Variants in PAIP1 observed in about 807,000 individuals in gnomAD.
PAIP1 encodes poly(A) binding protein interacting protein 1, also known as polyadenylate-binding protein-interacting protein 1.
A neutral mutation model predicts 61.3 loss-of-function variants in PAIP1; 16 were observed. The observed-to-expected ratio is 0.26, with a 90% CI of 0.18 to 0.40. PAIP1 has a LOEUF of 0.40. Among genes scored for constraint, PAIP1 ranks in the 10% least tolerant of loss-of-function variants. PAIP1 has a pLI of 1.00. For missense variants in PAIP1, 416 were observed against 600.9 expected, an observed-to-expected ratio of 0.69 and a Z score of 3.22; for synonymous variants, 187 against 226.2, an observed-to-expected ratio of 0.83 and a Z score of 1.56.
Position 43,528,543 on chromosome 5 carries a change from C to T in PAIP1, c.1347-1074G>A, listed in dbSNP as rs116021301. 7.9e-3 allele frequency among the ~76,000 whole-genome samples: 1,210 copies of T among 152,218 alleles called. 19 individuals are homozygous for T. Among genetic ancestry groups the T allele is most frequent in the African/African-American group, 0.028 (1,169 of 41,526 alleles). On this transcript the variant is annotated intron_variant, in intron 10 of 10. Coordinates refer to ENST00000306846, the MANE Select transcript of PAIP1 (RefSeq NM_006451.5). Reference sequence around the variant, plus strand: ...TGCCAAGAACAACTTTATCTTCCAGCGGTATACCCAAGTAGATGGAACTTT... The same window carrying T: ...TGCCAAGAACAACTTTATCTTCCAGTGGTATACCCAAGTAGATGGAACTTT...
chr5:43,547,828 C>G lies in PAIP1; in HGVS notation c.521G>C (p.Gly174Ala), dbSNP rs989975853. ...CTGTTCAATTTCAGTTTCAAAACTG[C>G]CAGGCTGCTCTGTAAGATGATTCAA... ...DFLNHLTEQP[G>A]SFETEIEQFA... The change falls in exon 3 of 11, where the codon GGC becomes GCC. Residue 174 changes from glycine (G) to alanine (A), a missense_variant. Coordinates refer to ENST00000306846, the MANE Select transcript of PAIP1 (RefSeq NM_006451.5). 6 of 1,610,960 alleles carry G rather than the reference C, an allele frequency of 3.7e-6. No individual in the cohort carries two copies. The highest frequency in any genetic ancestry group is 5.1e-6 in the Non-Finnish European group (6 of 1,177,466).
At chr5:43,537,050 C>T (rs1747184421) in intron 5 of PAIP1, 106 bp from the exon 6 acceptor site, 1 of 702,020 alleles carries the variant, frequency 1.4e-6, no homozygotes, top group East Asian at 3.0e-5. Context: ...AGCTAAATCA[C>T]AAAAGTCACA....
intron 10 of PAIP1, among the ~76,000 whole-genome samples, chr5:43,529,580 C>T (rs1746853139): frequency 6.6e-6 from 1 of 152,162 alleles, no homozygotes; most frequent in Non-Finnish European, 1.5e-5. Flanking sequence ...TTAGTAGAGA[C>T]AGGGTTTCGC....
In PAIP1 at chr5:43,526,590, C is replaced by A. The variant is rs1197401025; in HGVS notation, c.*786G>T. ...ATAAAGCAGATGAAAACTTGAATGACAAATATCTAGTAAAATTCTCTAGTA... is the reference window on the plus strand; with the variant it reads ...ATAAAGCAGATGAAAACTTGAATGAAAAATATCTAGTAAAATTCTCTAGTA... On this transcript the variant is annotated 3_prime_UTR_variant, in exon 11 of 11. Transcript: ENST00000306846. The A allele has an allele frequency of 1.6e-4, 23 of 147,446 alleles. No homozygotes were observed. The highest frequency in any genetic ancestry group is 5.5e-4 in the African/African-American group (22 of 39,776). The allele number at this position is 147,446 out of a possible 1,614,324, so 9.1% of individuals were successfully genotyped here. A position where few individuals can be genotyped will look rare whatever the true frequency, so the allele number is the denominator to read the frequency against.
At chr5:43,551,242 A>G (rs554849203) in intron 2 of PAIP1, among the ~76,000 whole-genome samples, 34 of 152,314 alleles carry the variant, frequency 2.2e-4, no homozygotes, top group African/African-American at 7.5e-4. Flanking sequence ...AACAAAGCCT[A>G]TATTTTTAAC....
chr5:43,528,459 T>C (rs934302016), intron 10 of PAIP1, among the ~76,000 whole-genome samples: 2 of 152,158 alleles, frequency 1.3e-5, no homozygotes, highest in Non-Finnish European at 2.9e-5. Context: ...CATGAGCTCA[T>C]TAGGGCAAGA....
intron 7 of PAIP1, 150 bp downstream of exon 7, chr5:43,535,384 G>C (rs1747102706): frequency 3.3e-6 from 2 of 614,760 alleles, no homozygotes; most frequent in African/African-American, 1.9e-5. Flanking sequence ...GAAACTATAG[G>C]TAAAATATTA....
At chr5:43,527,993 G>A (rs1465597328) in intron 10 of PAIP1, among the ~76,000 whole-genome samples, 1 of 152,104 alleles carries the variant, frequency 6.6e-6, no homozygotes, top group Non-Finnish European at 1.5e-5. Context: ...ATTTTCACAG[G>A]AAGCTACTTT....
chr5:43,540,691 T>C (rs936924405), intron 4 of PAIP1, among the ~76,000 whole-genome samples: 6 of 152,246 alleles, frequency 3.9e-5, no homozygotes, highest in African/African-American at 1.4e-4. Flanking sequence ...GCTTTTTACT[T>C]GTTAGCTCAC....
intron 4 of PAIP1, 30 bp downstream of exon 4, chr5:43,542,974 G>T: frequency 8.8e-7 from 1 of 1,132,524 alleles, no homozygotes; most frequent in Non-Finnish European, 1.3e-6. Context: ...TTTAGAAGTA[G>T]TTTTCCTTTA....
rs566674929 is a variant in PAIP1 at position 43,556,843 on chromosome 5, A to C, written c.4T>G (p.Ser2Ala). The C allele has an allele frequency of 2.8e-6, 4 of 1,438,446 alleles. No homozygotes were observed. In the African/African-American group the frequency reaches 6.0e-5, roughly 21 times the overall value. 89.1% of individuals were successfully genotyped at this position (1,438,446 alleles called of 1,614,324 possible). The part of the protein sequence containing the change: M[S>A]DGFDRAPGAG... Reference sequence around the variant, plus strand: ...CCTGGGGCCCGATCGAAACCGTCCGACATGCTCCTCCTCCTCCGCCTCCTC... The same window carrying C: ...CCTGGGGCCCGATCGAAACCGTCCGCCATGCTCCTCCTCCTCCGCCTCCTC... Residue 2 changes from serine to alanine, a missense_variant, in exon 1 of 11, where the codon TCG becomes GCG. Coordinates refer to ENST00000306846, the MANE Select transcript of PAIP1 (RefSeq NM_006451.5).
rs530645288 is a variant in PAIP1 at position 43,536,167 on chromosome 5, T to C, written c.973-527A>G. 1.2e-4 allele frequency among the ~76,000 whole-genome samples: 19 copies of C among 152,316 alleles called. No homozygotes were observed. In the South Asian group the frequency reaches 3.3e-3, roughly 27 times the overall value. ...CACTATAAGGATGTAGGAAGAGATG[T>C]ACTCATTCTGCTGATGGGGCTATAC... is the stretch of plus-strand genomic sequence containing the variant. On this transcript the variant is annotated intron_variant, in intron 6 of 10. Transcript: ENST00000306846.
intron 8 of PAIP1, 114 bp downstream of exon 8, chr5:43,534,739 C>A: frequency 1.5e-6 from 1 of 661,220 alleles, no homozygotes; most frequent in Non-Finnish European, 2.7e-6. Context: ...CACTCAAAGC[C>A]AGTGAAGACA....
At chr5:43,555,427 A>G (rs1394310422) in intron 2 of PAIP1, among the ~76,000 whole-genome samples, 2 of 152,250 alleles carry the variant, frequency 1.3e-5, no homozygotes. Flanking sequence ...GCTATTTAAG[A>G]AAAGTGACTA....
At chr5:43,549,830 C>T (rs1747794243) in intron 2 of PAIP1, among the ~76,000 whole-genome samples, 1 of 152,188 alleles carries the variant, frequency 6.6e-6, no homozygotes, top group African/African-American at 2.4e-5. Flanking sequence ...AGCAATTCTC[C>T]TGCCTCAGCC....
intron 2 of PAIP1, among the ~76,000 whole-genome samples, chr5:43,555,039 A>T (rs1748006274): frequency 6.6e-6 from 1 of 152,220 alleles, no homozygotes; most frequent in African/African-American, 2.4e-5. Context: ...ATTCTATATG[A>T]CTTTATTTAT....
At chr5:43,528,379 C>G (rs1211530823) in intron 10 of PAIP1, among the ~76,000 whole-genome samples, 1 of 152,184 alleles carries the variant, frequency 6.6e-6, no homozygotes. Flanking sequence ...CTTGCCAACC[C>G]TACCAACTGC....
At chr5:43,554,626 G>C (rs1046163765) in intron 2 of PAIP1, among the ~76,000 whole-genome samples, 1 of 152,064 alleles carries the variant, frequency 6.6e-6, no homozygotes, top group Non-Finnish European at 1.5e-5. Flanking sequence ...AGTTATAAGG[G>C]AAATATAAAT....
intron 4 of PAIP1, among the ~76,000 whole-genome samples, chr5:43,540,110 G>T (rs551033018): frequency 6.6e-6 from 1 of 152,170 alleles, no homozygotes; most frequent in East Asian, 1.9e-4. Context: ...TGCCAACCAC[G>T]AAACCCCAGC....
Sources: allele counts gnomAD v4.1 joint callset (sites outside exome capture counted in the v4.1 genomes callset), GRCh38; gene constraint gnomAD v4.1.1; transcripts MANE v1.5; gene names NCBI Gene and HGNC (gene_info 2026-07-23, HGNC 2026-07-21).